The following C8orf34 variants were observed in gnomAD, a reference collection of about 807,000 sequenced individuals.
The protein encoded by C8orf34 is uncharacterized protein C8orf34.
A neutral mutation model predicts 68.3 loss-of-function variants in C8orf34; 65 were observed. The observed-to-expected ratio is 0.95, with a 90% CI of 0.78 to 1.17. The LOEUF is 1.17. Among genes scored for constraint, C8orf34 ranks in the 50% most tolerant of loss-of-function variants. C8orf34 has a pLI of 0.00. For missense variants in C8orf34, 664 were observed against 655.4 expected, an observed-to-expected ratio of 1.01 and a Z score of -0.14; for synonymous variants, 244 against 241.2, an observed-to-expected ratio of 1.01 and a Z score of -0.11.
chr8:68,672,951 A>G (rs1820061516), intron 8 of C8orf34, among the ~76,000 whole-genome samples: 1 of 150,562 alleles, frequency 6.6e-6, no homozygotes, highest in Admixed American at 6.6e-5. Flanking sequence ...AGGATAGGGC[A>G]TTGGGTAGGG....
At chr8:68,703,489 C>A (rs1025009284) in intron 8 of C8orf34, among the ~76,000 whole-genome samples, 1 of 152,034 alleles carries the variant, frequency 6.6e-6, no homozygotes, top group African/African-American at 2.4e-5. Flanking sequence ...GGACAAGCAA[C>A]TTTGTGCAAA....
At chr8:68,816,085 A>G in intron 13 of C8orf34, 140 bp downstream of exon 13, 1 of 1,363,254 alleles carries the variant, frequency 7.3e-7, no homozygotes, top group Non-Finnish European at 1.0e-6. Context: ...ATCCTGCATA[A>G]GATTATAAGA....
At chr8:68,414,129 A>G (rs191696975) in intron 1 of C8orf34, among the ~76,000 whole-genome samples, 239 of 152,294 alleles carry the variant, frequency 1.6e-3, no homozygotes, top group African/African-American at 5.5e-3. Context: ...ACCCCCTCAG[A>G]GATGCTATCT....
chr8:68,774,329 G>GTATATATA lies in C8orf34; in HGVS notation c.1405-2069_1405-2068insATATATAT, dbSNP rs1237765866. 5.2e-4 allele frequency among the ~76,000 whole-genome samples: 66 copies of GTATATATA among 126,938 alleles called. 1 individual carries two copies. The highest frequency in any genetic ancestry group is 2.1e-3 in the African/African-American group (60 of 29,162). The allele number at this position is 126,938 out of a possible 152,430, so 83.3% of individuals were successfully genotyped here. A position where few individuals can be genotyped will look rare whatever the true frequency, so the allele number is the denominator to read the frequency against. ...TCTATGTATAAAAATATGGGTGTGT[G>GTATATATA]TGTATATATATATATATATAAAATA... On this transcript the variant is annotated intron_variant, in intron 10 of 13. Transcript: ENST00000518698.
chr8:68,455,846 T>G (rs911217813), intron 3 of C8orf34, among the ~76,000 whole-genome samples: 2 of 152,026 alleles, frequency 1.3e-5, no homozygotes, highest in Non-Finnish European at 2.9e-5. Flanking sequence ...AAAAAATTTC[T>G]GAGTATTGTT....
intron 8 of C8orf34, among the ~76,000 whole-genome samples, chr8:68,661,948 C>A (rs1819692372): frequency 6.7e-6 from 1 of 149,124 alleles, no homozygotes; most frequent in African/African-American, 2.5e-5. Context: ...CCTCTGAAGG[C>A]TTAATAGTTG....
intron 8 of C8orf34, among the ~76,000 whole-genome samples, chr8:68,679,217 G>A (rs1204138623): frequency 1.3e-5 from 2 of 152,054 alleles, no homozygotes; most frequent in Admixed American, 6.6e-5. Flanking sequence ...TATCTGGGAG[G>A]CAGAGGTTGC....
At chr8:68,619,134 C>A (rs1654673714) in intron 7 of C8orf34, among the ~76,000 whole-genome samples, 1 of 151,928 alleles carries the variant, frequency 6.6e-6, no homozygotes, top group South Asian at 2.1e-4. Flanking sequence ...TTGAGACCAG[C>A]CTGGGCAACA....
intron 1 of C8orf34, among the ~76,000 whole-genome samples, chr8:68,373,772 A>G (rs143569412): frequency 8.5e-5 from 13 of 152,366 alleles, no homozygotes; most frequent in Non-Finnish European, 1.5e-4. Context: ...GACTCTTGGT[A>G]CATCACATAC....
At chr8:68,649,969 A>G (rs1362822183) in intron 8 of C8orf34, among the ~76,000 whole-genome samples, 2 of 152,180 alleles carry the variant, frequency 1.3e-5, no homozygotes, top group Non-Finnish European at 2.9e-5. Flanking sequence ...TCTGAAAAAA[A>G]GTCTATTTCA....
chr8:68,550,682 A>G (rs1816035667), intron 7 of C8orf34, among the ~76,000 whole-genome samples: 1 of 151,766 alleles, frequency 6.6e-6, no homozygotes, highest in South Asian at 2.1e-4. Flanking sequence ...CCTCAATTTT[A>G]ATTGGTCTAA....
intron 1 of C8orf34, among the ~76,000 whole-genome samples, chr8:68,402,881 A>T (rs1300860512): frequency 6.6e-6 from 1 of 152,152 alleles, no homozygotes; most frequent in Non-Finnish European, 1.5e-5. Flanking sequence ...TTTCCATTTG[A>T]TAACAATGGC....
chr8:68,511,589 G>C (rs1814278801), intron 5 of C8orf34, among the ~76,000 whole-genome samples: 3 of 152,054 alleles, frequency 2.0e-5, no homozygotes, highest in Admixed American at 2.0e-4. Flanking sequence ...TGAAACTAGA[G>C]GCAAGGGGCG....
chr8:68,359,647 CCT>C, intron 1 of C8orf34, among the ~76,000 whole-genome samples: 1 of 152,238 alleles, frequency 6.6e-6, no homozygotes, highest in East Asian at 1.9e-4. Context: ...TATACCCACC[CCT>C]CTCTCTTTTT....
intron 7 of C8orf34, among the ~76,000 whole-genome samples, chr8:68,605,170 A>C (rs1817818516): frequency 6.6e-6 from 1 of 152,080 alleles, no homozygotes; most frequent in South Asian, 2.1e-4. Context: ...GTTACTACAC[A>C]CCTGTTAGAA....
chr8:68,640,545 A>T (rs777711114), intron 8 of C8orf34, 34 bp downstream of exon 8: 10 of 1,572,312 alleles, frequency 6.4e-6, no homozygotes, highest in Non-Finnish European at 7.8e-6. Context: ...ATATATAAAC[A>T]TGATCTTGAT....
chr8:68,341,250 C>T (rs1404272459), intron 1 of C8orf34, among the ~76,000 whole-genome samples: 1 of 152,060 alleles, frequency 6.6e-6, no homozygotes, highest in Non-Finnish European at 1.5e-5. Context: ...TCTAAGGATG[C>T]CAATCCCGTT....
intron 7 of C8orf34, among the ~76,000 whole-genome samples, chr8:68,638,410 A>C (rs1192362729): frequency 2.0e-5 from 3 of 151,674 alleles, no homozygotes; most frequent in African/African-American, 7.3e-5. Context: ...AATTTTAGAT[A>C]GGTTCATAAC....
intron 1 of C8orf34, among the ~76,000 whole-genome samples, chr8:68,422,663 C>A (rs1810030643): frequency 6.6e-6 from 1 of 152,226 alleles, no homozygotes; most frequent in Non-Finnish European, 1.5e-5. Flanking sequence ...CTTCTCACAG[C>A]TCCACTAGGC....
Sources: allele counts gnomAD v4.1 joint callset (sites outside exome capture counted in the v4.1 genomes callset), GRCh38; gene constraint gnomAD v4.1.1; transcripts MANE v1.5; gene names NCBI Gene and HGNC (gene_info 2026-07-23, HGNC 2026-07-21).